The following PCDH9 variants were observed in gnomAD, a reference collection of about 807,000 sequenced individuals.
PCDH9 encodes protocadherin 9, also known as protocadherin-9.
Under a neutral mutation model 70.6 loss-of-function variants are expected in PCDH9, and 24 were observed. The ratio of observed to expected loss-of-function variants is 0.34; its 90% CI spans 0.25 to 0.48. The LOEUF (loss-of-function observed/expected upper bound fraction) is 0.48. Ranked by LOEUF, PCDH9 falls within the 20% of genes least tolerant of loss-of-function variation. The pLI is 0.99. For missense variants in PCDH9, 1,281 were observed against 1,503.6 expected (o/e 0.85, Z 2.45); for synonymous variants, 562 against 558.5 (o/e 1.01, Z -0.09).
intron 4 of PCDH9, among the ~76,000 whole-genome samples, chr13:66,502,978 A>G (rs1400548360): frequency 6.6e-6 from 1 of 152,204 alleles, no homozygotes; most frequent in Admixed American, 6.5e-5. Context: ...GGAAAACAAT[A>G]TAGGCATGGT....
At chr13:67,203,791 A>G (rs2138060222) in intron 2 of PCDH9, 2 of 152,226 alleles carry the variant, frequency 1.3e-5, no homozygotes, top group Middle Eastern at 3.4e-3. Context: ...AAAGTCTAAG[A>G]ACAGAAATTT....
intron 2 of PCDH9, chr13:67,211,796 G>A (rs546362945): frequency 6.6e-6 from 1 of 152,142 alleles, no homozygotes; most frequent in Admixed American, 6.5e-5. Context: ...CCATCTGGAG[G>A]CAGAAGCCAA....
chr13:66,355,110 C>T (rs1956358850), intron 4 of PCDH9, among the ~76,000 whole-genome samples: 1 of 152,064 alleles, frequency 6.6e-6, no homozygotes, highest in Non-Finnish European at 1.5e-5. Context: ...TTCAGCCTAA[C>T]AGCATACTTA....
In PCDH9 at chr13:66,737,104, G is replaced by A. The variant is rs910565476; in HGVS notation, c.3139-105693C>T. ...AGTTAATAAATCATTTTGATAAAAT[G>A]CAAGTGAGAAGATGTAATAATTTTT... On this transcript the variant is annotated intron_variant, in intron 3 of 4. Coordinates refer to ENST00000377865, the MANE Select transcript of PCDH9 (RefSeq NM_203487.3). 3.3e-5 allele frequency among the ~76,000 whole-genome samples: 5 copies of A among 152,254 alleles called. No homozygotes were observed. In the East Asian group the frequency reaches 9.6e-4, roughly 29 times the overall value.
intron 2 of PCDH9, among the ~76,000 whole-genome samples, chr13:67,195,989 C>A (rs2089054436): frequency 6.6e-6 from 1 of 151,920 alleles, no homozygotes; most frequent in Non-Finnish European, 1.5e-5. Context: ...GTAAAATGTA[C>A]CTTAAGTTGT....
chr13:66,627,597 T>G (rs2077515814), intron 4 of PCDH9, among the ~76,000 whole-genome samples: 1 of 152,166 alleles, frequency 6.6e-6, no homozygotes, highest in African/African-American at 2.4e-5. Flanking sequence ...GGCCTCTCGC[T>G]TCTCCACTTT....
chr13:67,135,206 A>G (rs879657414), intron 2 of PCDH9, among the ~76,000 whole-genome samples: 1 of 152,096 alleles, frequency 6.6e-6, no homozygotes, highest in Non-Finnish European at 1.5e-5. Flanking sequence ...ACCAAAATGT[A>G]TGTTGTGAAT....
chr13:66,490,411 T>C (rs1959015320), intron 4 of PCDH9, among the ~76,000 whole-genome samples: 1 of 152,160 alleles, frequency 6.6e-6, no homozygotes, highest in Admixed American at 6.5e-5. Context: ...CTTGTTGCTG[T>C]CCATCTCTTC....
chr13:67,103,358 C>A (rs1372648597), intron 2 of PCDH9, among the ~76,000 whole-genome samples: 1 of 152,126 alleles, frequency 6.6e-6, no homozygotes, highest in Non-Finnish European at 1.5e-5. Context: ...TTGATATAAA[C>A]TGAAAGGCTT....
At chr13:67,069,972 T>C (rs1196643745) in intron 2 of PCDH9, among the ~76,000 whole-genome samples, 1 of 151,942 alleles carries the variant, frequency 6.6e-6, no homozygotes, top group Admixed American at 6.6e-5. Flanking sequence ...ATCTTCCCTC[T>C]ATCTTTTCAT....
intron 4 of PCDH9, among the ~76,000 whole-genome samples, chr13:66,453,836 C>G (rs1403060746): frequency 6.6e-6 from 1 of 152,098 alleles, no homozygotes; most frequent in African/African-American, 2.4e-5. Flanking sequence ...ATCTCATTAA[C>G]AGTAAACCAA....
chr13:66,764,565 T>G (rs2079680771), intron 3 of PCDH9, among the ~76,000 whole-genome samples: 1 of 152,062 alleles, frequency 6.6e-6, no homozygotes, highest in Admixed American at 6.6e-5. Context: ...TAATGTAATT[T>G]TAGAATTTAG....
chr13:66,854,307 C>G (rs1049955413), intron 3 of PCDH9, among the ~76,000 whole-genome samples: 1 of 152,110 alleles, frequency 6.6e-6, no homozygotes, highest in African/African-American at 2.4e-5. Flanking sequence ...AGTCCCTGAC[C>G]TGACATTTCT....
At chr13:66,336,122 A>G (rs1956033386) in intron 4 of PCDH9, among the ~76,000 whole-genome samples, 3 of 152,096 alleles carry the variant, frequency 2.0e-5, no homozygotes, top group African/African-American at 7.2e-5. Context: ...TGAGGACTCT[A>G]TAGGAATCCA....
intron 2 of PCDH9, among the ~76,000 whole-genome samples, chr13:66,995,000 AGCCTTGGGAGGACATCAGCG>A (rs1266460156): frequency 1.3e-5 from 2 of 152,178 alleles, no homozygotes; most frequent in Non-Finnish European, 2.9e-5. Context: ...ATTAAACAAG[AGCCTTGGGAGGACATCAGCG>A]GCCTTGTCAC....
At position 66,396,639 on chromosome 13, in the gene PCDH9, G is replaced by A. The variant is rs368369649; in HGVS notation, c.3341-91611C>T. Among the ~76,000 whole-genome samples, 12 of 152,196 alleles carry A rather than the reference G, an allele frequency of 7.9e-5. No homozygotes were observed. The East Asian group carries it at 2.1e-3, about 27-fold the overall frequency. ...TATCTGTGATTCTAGCGTCAGCTCT[G>A]TTGCAGTGGGACATGGGATATAGTG... On this transcript the variant is annotated intron_variant, in intron 4 of 4. Transcript: ENST00000377865.
chr13:67,065,688 ATAAT>A (rs1293118127), intron 2 of PCDH9, among the ~76,000 whole-genome samples: 2 of 152,216 alleles, frequency 1.3e-5, no homozygotes, highest in Non-Finnish European at 2.9e-5. Context: ...TGTGAATCAA[ATAAT>A]TGGCAGGAAA....
intron 3 of PCDH9, among the ~76,000 whole-genome samples, chr13:66,846,650 T>G (rs1178668167): frequency 6.6e-6 from 1 of 152,130 alleles, no homozygotes; most frequent in Admixed American, 6.5e-5. Context: ...AATAAAATTA[T>G]TATTCACTGT....
At chr13:66,785,497 A>C (rs1450087143) in intron 3 of PCDH9, among the ~76,000 whole-genome samples, 5 of 151,880 alleles carry the variant, frequency 3.3e-5, no homozygotes, top group Non-Finnish European at 7.4e-5. Context: ...CCTTATTTTT[A>C]ATGTAAGAGA....
Sources: gnomAD v4.1 joint callset for allele counts (sites outside exome capture counted in the v4.1 genomes callset) on GRCh38, gnomAD v4.1.1 for gene constraint, MANE v1.5 for transcripts, NCBI Gene and HGNC (gene_info 2026-07-23, HGNC 2026-07-21) for gene names.